Variants in LARP4B observed in about 807,000 individuals in gnomAD.
LARP4B encodes La ribonucleoprotein 4B, also known as la-related protein 4B.
A neutral mutation model predicts 89.8 loss-of-function variants in LARP4B; 12 were observed. That is an observed-to-expected ratio of 0.13 (90% CI 0.09 to 0.22). LARP4B has a LOEUF of 0.22. Among genes scored for constraint, LARP4B ranks in the 10% least tolerant of loss-of-function variants. LARP4B has a pLI of 1.00. For synonymous variants in LARP4B, 367 were observed against 363.3 expected, an observed-to-expected ratio of 1.01 and a Z score of -0.12; for missense variants, 757 against 947.7, an observed-to-expected ratio of 0.80 and a Z score of 2.64.
At chr10:977,813 GGT>G in the LARP4B span, among the ~76,000 whole-genome samples, 1 of 152,064 alleles carries the variant, frequency 6.6e-6, no homozygotes, top group Non-Finnish European at 1.5e-5. Context: ...CACTGATTTG[GGT>G]GTCCACAGGG....
chr10:934,364 G>T (rs1830720893), upstream of LARP4B, among the ~76,000 whole-genome samples: 1 of 151,976 alleles, frequency 6.6e-6, no homozygotes, highest in African/African-American at 2.4e-5. Context: ...CCGGGCATGT[G>T]GTGCATGGCT....
At chr10:905,189 T>TGAG (rs1836456345) in intron 1 of LARP4B, among the ~76,000 whole-genome samples, 1 of 152,204 alleles carries the variant, frequency 6.6e-6, no homozygotes, top group Admixed American at 6.5e-5. Context: ...AAAAATGTCT[T>TGAG]CCTCAAGTTA....
chr10:863,678 A>G, intron 5 of LARP4B, 65 bp downstream of exon 5: 1 of 1,480,140 alleles, frequency 6.8e-7, no homozygotes, highest in Non-Finnish European at 9.1e-7. Flanking sequence ...TTAATACTCT[A>G]AATAAAAAAA....
Position 872,065 on chromosome 10 carries a change from C to G in LARP4B, c.142-7795G>C, listed in dbSNP as rs149396294. 1.0e-3 allele frequency among the ~76,000 whole-genome samples: 159 copies of G among 152,306 alleles called. 1 individual carries two copies. The highest frequency in any genetic ancestry group is 2.0e-3 in the Admixed American group (30 of 15,298). Reference sequence around the variant, plus strand: ...AGCTCTCACTTTCTCCCAGGACACACGCATGACTTAGTGAGTCACTGTCCA... The same window carrying G: ...AGCTCTCACTTTCTCCCAGGACACAGGCATGACTTAGTGAGTCACTGTCCA... On this transcript the variant is annotated intron_variant, in intron 3 of 17. Transcript: ENST00000316157.
At chr10:981,619 G>A in the LARP4B span, among the ~76,000 whole-genome samples, 4 of 152,178 alleles carry the variant, frequency 2.6e-5, no homozygotes, top group Non-Finnish European at 5.9e-5. Flanking sequence ...CGCCCAGACT[G>A]GAGTGCAGTG....
chr10:865,714 TAAAGA>T (rs1224938651), intron 3 of LARP4B, among the ~76,000 whole-genome samples: 6 of 152,212 alleles, frequency 3.9e-5, no homozygotes, highest in East Asian at 1.9e-4. Context: ...CCCCAAAGCC[TAAAGA>T]AAAGTCAAAT....
chr10:946,603 G>A, the LARP4B span, among the ~76,000 whole-genome samples: 14 of 152,160 alleles, frequency 9.2e-5, no homozygotes, highest in African/African-American at 4.8e-5. Context: ...TAACATGACC[G>A]GGGTTGGGGG....
At chr10:951,567 A>G in the LARP4B span, among the ~76,000 whole-genome samples, 2 of 152,158 alleles carry the variant, frequency 1.3e-5, no homozygotes, top group African/African-American at 4.8e-5. Context: ...TCCACTCTGC[A>G]GAGATGGCTG....
chr10:962,298 C>CAAAAA, the LARP4B span, among the ~76,000 whole-genome samples: 22 of 60,628 alleles, frequency 3.6e-4, no homozygotes, highest in African/African-American at 1.2e-3. Flanking sequence ...ACTCCATCTC[C>CAAAAA]AAAAAAAAAA....
intron 3 of LARP4B, among the ~76,000 whole-genome samples, chr10:874,010 T>C (rs1036353052): frequency 6.6e-6 from 1 of 152,126 alleles, no homozygotes; most frequent in Non-Finnish European, 1.5e-5. Context: ...GGTGGGTGGA[T>C]CACCAGAGGT....
At chr10:881,867 C>T (rs1419175087) in intron 3 of LARP4B, among the ~76,000 whole-genome samples, 1 of 152,220 alleles carries the variant, frequency 6.6e-6, no homozygotes, top group Non-Finnish European at 1.5e-5. Context: ...GTATCTCACG[C>T]TCATCTGAAC....
rs137967202 is a variant in LARP4B at position 828,774 on chromosome 10, T to A, written c.1125+611A>T. Among the ~76,000 whole-genome samples, 485 of 152,304 alleles carry A rather than the reference T, an allele frequency of 3.2e-3. 2 individuals carry two copies. Among genetic ancestry groups the A allele is most frequent in the African/African-American group, 0.011 (455 of 41,558 alleles). On this transcript the variant is annotated intron_variant, in intron 11 of 17. Coordinates refer to ENST00000316157, the MANE Select transcript of LARP4B (RefSeq NM_015155.3). ...GACTTCAGCTTCAAGGACATGCTCA[T>A]CCGTGTATTGCTGACTCTCGTGCAT...
At chr10:931,263 ACCCGGCCCCGGCCTTCCCCTGC>A (rs1346589672) in intron 1 of LARP4B, among the ~76,000 whole-genome samples, 143 bp downstream of exon 1, 2 of 78,704 alleles carry the variant, frequency 2.5e-5, no homozygotes, top group Non-Finnish European at 5.6e-5. Context: ...GTCCTCCTCA[ACCCGGCCCCGGCCTTCCCCTGC>A]CCCGGCCCCG....
Position 814,464 on chromosome 10 carries a change from C to T in LARP4B, c.1929+278G>A, listed in dbSNP as rs748166113. 7.8e-6 allele frequency: 4 copies of T among 510,898 alleles called. No homozygotes were observed. Among genetic ancestry groups the T allele is most frequent in the African/African-American group, 2.0e-5 (1 of 51,254 alleles). The allele number at this position is 510,898 out of a possible 1,614,324, so 31.6% of individuals were successfully genotyped here. A position where few individuals can be genotyped will look rare whatever the true frequency, so the allele number is the denominator to read the frequency against. On this transcript the variant is annotated intron_variant, in intron 17 of 17. Transcript: ENST00000316157. The surrounding 1 kb of genome is among the most constrained non-coding windows in gnomAD (Gnocchi z 4.4). Reference sequence around the variant, plus strand: ...AATGATCCTAAAGTCTATGGAGAAACAGGAGCTGGGGTCTTGTTACTACTC... The same window carrying T: ...AATGATCCTAAAGTCTATGGAGAAATAGGAGCTGGGGTCTTGTTACTACTC...
chr10:832,498 G>A (rs982285134), intron 8 of LARP4B, among the ~76,000 whole-genome samples: 4 of 152,130 alleles, frequency 2.6e-5, no homozygotes, highest in East Asian at 1.9e-4. Flanking sequence ...ATAATGGCTC[G>A]ATAAATTTCA....
chr10:962,779 T>A, the LARP4B span, among the ~76,000 whole-genome samples: 3 of 152,072 alleles, frequency 2.0e-5, no homozygotes, highest in Non-Finnish European at 4.4e-5. Context: ...AGCTTTGAAC[T>A]CCCACTGGCC....
chr10:913,559 A>C (rs1836732865), intron 1 of LARP4B, among the ~76,000 whole-genome samples: 1 of 152,248 alleles, frequency 6.6e-6, no homozygotes, highest in Non-Finnish European at 1.5e-5. Flanking sequence ...CTAGGGTTTC[A>C]CAGGCTGTAG....
intron 1 of LARP4B, among the ~76,000 whole-genome samples, chr10:914,921 A>G (rs1481292812): frequency 6.6e-6 from 1 of 152,118 alleles, no homozygotes; most frequent in African/African-American, 2.4e-5. Context: ...TGAAAAAAAA[A>G]TTGTGTGTAA....
the LARP4B span, among the ~76,000 whole-genome samples, chr10:976,509 G>A: frequency 6.8e-6 from 1 of 148,108 alleles, no homozygotes. Flanking sequence ...TAGAAGGTAG[G>A]CCTGTTGCGT....
Sources: gnomAD v4.1 joint callset for allele counts (sites outside exome capture counted in the v4.1 genomes callset) on GRCh38, gnomAD v4.1.1 for gene constraint, Gnocchi (gnomAD v3.1) non-coding constraint, MANE v1.5 for transcripts, NCBI Gene and HGNC (gene_info 2026-07-23, HGNC 2026-07-21) for gene names.